The following DLG2 variants were observed in gnomAD, a reference collection of about 807,000 sequenced individuals.
DLG2 encodes discs large MAGUK scaffold protein 2.
A neutral mutation model predicts 132.5 loss-of-function variants in DLG2; 45 were observed. The observed-to-expected ratio is 0.34, with a 90% CI of 0.27 to 0.44. The LOEUF (loss-of-function observed/expected upper bound fraction) is 0.44, where lower values mean the gene tolerates loss of function less well. Among genes scored for constraint, DLG2 ranks in the 20% least tolerant of loss-of-function variants. The pLI, the probability that DLG2 is intolerant of heterozygous loss-of-function variation, is 1.00. For synonymous variants in DLG2, 424 were observed against 419.6 expected, an observed-to-expected ratio of 1.01 and a Z score of -0.13; for missense variants, 1,045 against 1,196.9, an observed-to-expected ratio of 0.87 and a Z score of 1.87.
chr11:84,101,900 A>C (rs2154182769), intron 9 of DLG2, among the ~76,000 whole-genome samples: 1 of 152,252 alleles, frequency 6.6e-6, no homozygotes, highest in Admixed American at 6.5e-5. Context: ...CCTGTGAGAA[A>C]GATATTCGTG....
intron 3 of DLG2, among the ~76,000 whole-genome samples, chr11:85,354,910 C>T (rs182580122): frequency 1.3e-5 from 2 of 151,716 alleles, no homozygotes; most frequent in African/African-American, 2.4e-5. Context: ...CTTGTCTCTT[C>T]GTTTCATAAA....
At chr11:85,588,210 G>A (rs964803627) in intron 3 of DLG2, among the ~76,000 whole-genome samples, 2 of 152,148 alleles carry the variant, frequency 1.3e-5, no homozygotes, top group Non-Finnish European at 2.9e-5. Context: ...GAATTTACCA[G>A]GTGTTTTTTG....
chr11:84,565,963 T>G (rs2099453032), intron 6 of DLG2, among the ~76,000 whole-genome samples: 1 of 151,028 alleles, frequency 6.6e-6, no homozygotes, highest in Non-Finnish European at 1.5e-5. Context: ...TGATGAAGTT[T>G]TTTTTTTTTT....
At chr11:84,003,666 C>A (rs557891132) in intron 11 of DLG2, among the ~76,000 whole-genome samples, 2 of 152,236 alleles carry the variant, frequency 1.3e-5, no homozygotes, top group South Asian at 4.2e-4. Context: ...CCCCATGATT[C>A]AGTTACCTCC....
chr11:84,076,718 T>C (rs943843571), intron 10 of DLG2, among the ~76,000 whole-genome samples: 1 of 152,214 alleles, frequency 6.6e-6, no homozygotes, highest in Non-Finnish European at 1.5e-5. Context: ...CCTCAAATGA[T>C]GGAAGTCACT....
chr11:85,067,997 A>G (rs142667026), intron 6 of DLG2, among the ~76,000 whole-genome samples: 2 of 152,138 alleles, frequency 1.3e-5, no homozygotes, highest in Non-Finnish European at 2.9e-5. Flanking sequence ...CTGTTTCAAC[A>G]TATGCAAATC....
intron 16 of DLG2, among the ~76,000 whole-genome samples, chr11:83,868,509 T>C (rs1030468028): frequency 5.3e-5 from 8 of 152,094 alleles, no homozygotes; most frequent in Admixed American, 1.3e-4. Flanking sequence ...TATAAATACA[T>C]ATATACATAT....
chr11:84,652,874 T>C (rs2099683723), intron 6 of DLG2, among the ~76,000 whole-genome samples: 1 of 151,654 alleles, frequency 6.6e-6, no homozygotes, highest in South Asian at 2.1e-4. Context: ...CTAAAGTCAG[T>C]GTGTTTCACA....
At chr11:85,187,610 A>G (rs1207619527) in intron 4 of DLG2, among the ~76,000 whole-genome samples, 1 of 152,182 alleles carries the variant, frequency 6.6e-6, no homozygotes, top group Non-Finnish European at 1.5e-5. Flanking sequence ...TATTCATGAA[A>G]AACTACTCAA....
intron 6 of DLG2, among the ~76,000 whole-genome samples, chr11:84,718,447 A>C (rs1454104287): frequency 1.3e-5 from 2 of 152,148 alleles, no homozygotes; most frequent in Non-Finnish European, 2.9e-5. Context: ...TGTGCTTGAA[A>C]TTATTTTAAT....
chr11:84,793,061 C>T (rs1040916763), intron 6 of DLG2, among the ~76,000 whole-genome samples: 1 of 151,998 alleles, frequency 6.6e-6, no homozygotes, highest in Non-Finnish European at 1.5e-5. Flanking sequence ...CTATAAATTT[C>T]CCACTTAGTA....
chr11:83,482,173 A>G (rs1352908659), intron 22 of DLG2, among the ~76,000 whole-genome samples: 1 of 152,122 alleles, frequency 6.6e-6, no homozygotes. Flanking sequence ...AAATATAAAT[A>G]TCTTTTAAAA....
At chr11:84,679,210 G>A (rs2099722661) in intron 6 of DLG2, among the ~76,000 whole-genome samples, 2 of 152,032 alleles carry the variant, frequency 1.3e-5, no homozygotes, top group African/African-American at 4.8e-5. Context: ...CTCAGGTGCT[G>A]ATGCTGGAGA....
At chr11:84,296,297 A>G (rs558979556) in intron 7 of DLG2, among the ~76,000 whole-genome samples, 1 of 152,278 alleles carries the variant, frequency 6.6e-6, no homozygotes, top group South Asian at 2.1e-4. Context: ...GGCCTGTGAT[A>G]TGATTTTGTT....
intron 4 of DLG2, among the ~76,000 whole-genome samples, chr11:85,201,083 G>A (rs1322950913): frequency 6.6e-6 from 1 of 152,092 alleles, no homozygotes; most frequent in Non-Finnish European, 1.5e-5. Flanking sequence ...CACTGCAGTT[G>A]AGGAACTATC....
At chr11:85,498,279 C>T (rs1343850480) in intron 3 of DLG2, among the ~76,000 whole-genome samples, 4 of 152,132 alleles carry the variant, frequency 2.6e-5, no homozygotes, top group African/African-American at 4.8e-5. Context: ...GGATTGAAAT[C>T]CTAGTCTCTG....
intron 6 of DLG2, among the ~76,000 whole-genome samples, chr11:84,596,132 C>T (rs1036611666): frequency 6.6e-6 from 1 of 152,156 alleles, no homozygotes; most frequent in Admixed American, 6.5e-5. Flanking sequence ...AAACTTCTCT[C>T]ATCAGCTGAA....
rs114821004 is a variant in DLG2 at position 84,405,976 on chromosome 11, C to G, written c.519+128594G>C. Among the ~76,000 whole-genome samples, 165 of 152,274 alleles carry G rather than the reference C, an allele frequency of 1.1e-3. 1 individual carries two copies. Among genetic ancestry groups the G allele is most frequent in the African/African-American group, 3.9e-3 (163 of 41,554 alleles). ...TGGTTCCATCTCTGCCATCTCTTGC[C>G]AAGATCATGAGCAATAGCCCCCTTC... On this transcript the variant is annotated intron_variant, in intron 7 of 27. Transcript: ENST00000376104.
intron 11 of DLG2, among the ~76,000 whole-genome samples, chr11:84,006,180 C>T (rs183591188): frequency 3.6e-4 from 54 of 151,722 alleles, no homozygotes; most frequent in Admixed American, 3.4e-3. Flanking sequence ...GTAGTAACAT[C>T]GATAGAGCTA....
Sources: allele counts gnomAD v4.1 joint callset (sites outside exome capture counted in the v4.1 genomes callset), GRCh38; gene constraint gnomAD v4.1.1; transcripts MANE v1.5; gene names NCBI Gene and HGNC (gene_info 2026-07-23, HGNC 2026-07-21).